Variants in KRT71 observed in about 807,000 individuals in gnomAD.
KRT71 encodes keratin 71.
Under a neutral mutation model 46.2 loss-of-function variants are expected in KRT71, and 42 were observed. That is an observed-to-expected ratio of 0.91 (90% CI 0.71 to 1.18). KRT71 has a LOEUF of 1.18. KRT71 is among the 50% of genes most tolerant of loss of function. The pLI is 0.00. For missense variants in KRT71, 708 were observed against 677.9 expected, an observed-to-expected ratio of 1.04 and a Z score of -0.49; for synonymous variants, 292 against 277.8, an observed-to-expected ratio of 1.05 and a Z score of -0.51.
In KRT71 at chr12:52,545,621, TAAGAGGAG is replaced by T. The variant is rs755976077; in HGVS notation, c.1326-30_1326-23del. 87 of 1,432,660 alleles carry T rather than the reference TAAGAGGAG, an allele frequency of 6.1e-5. No homozygotes were observed. The East Asian group carries it at 1.5e-3, about 24-fold the overall frequency. The allele number at this position is 1,432,660 out of a possible 1,614,324, so 88.7% of individuals were successfully genotyped here. On this transcript the variant is annotated intron_variant, in intron 7 of 8. Transcript: ENST00000267119. The stretch of plus-strand genomic sequence containing the variant: ...CATCCTATTAAGGAGAGAAATAAAA[TAAGAGGAG>T]AAGAGAAGTCATCCAGCTCAGTCTC...
chr12:52,546,219 G>T, intron 7 of KRT71, 67 bp downstream of exon 7: 1 of 1,560,058 alleles, frequency 6.4e-7, no homozygotes, highest in South Asian at 1.1e-5. Flanking sequence ...ATTGAGATGT[G>T]TTAGGCTTTC....
Position 52,544,448 on chromosome 12 carries a change from T to G in KRT71, c.*84A>C. The stretch of plus-strand genomic sequence containing the variant: ...GGGAGCAGGACCAGCAGGGTGGAGA[T>G]GGAGCTGAGAGTGGGCTGTGGGAAG... On this transcript the variant is annotated 3_prime_UTR_variant, in exon 9 of 9. Coordinates refer to ENST00000267119, the MANE Select transcript of KRT71 (RefSeq NM_033448.3). 3.2e-6 allele frequency: 4 copies of G among 1,237,124 alleles called. No homozygotes were observed. Among genetic ancestry groups the G allele is most frequent in the Non-Finnish European group, 4.7e-6 (4 of 844,676 alleles). The allele number at this position is 1,237,124 out of a possible 1,614,324, so 76.6% of individuals were successfully genotyped here.
chr12:52,549,491 T>G, intron 2 of KRT71, 138 bp from the exon 3 acceptor site: 1 of 707,126 alleles, frequency 1.4e-6, no homozygotes, highest in Non-Finnish European at 2.5e-6. Context: ...CAGGGGTAAG[T>G]GGGGGAAGGC....
chr12:52,546,599 G>T, intron 6 of KRT71, 93 bp from the exon 7 acceptor site: 1 of 1,259,806 alleles, frequency 7.9e-7, no homozygotes, highest in Non-Finnish European at 1.1e-6. Flanking sequence ...GGGGCAGAGT[G>T]GCCCGCCTCC....
Position 52,545,970 on chromosome 12 carries a change from C to G in KRT71, c.1325+316G>C, listed in dbSNP as rs558650864. On this transcript the variant is annotated intron_variant, in intron 7 of 8. Coordinates refer to ENST00000267119, the MANE Select transcript of KRT71 (RefSeq NM_033448.3). ...ACATGGACAGATCAGGAAGAGGGAA[C>G]AAGAATGCCTAATAGAGTAATGGGG... Among the ~76,000 whole-genome samples, 8 of 152,036 alleles carry G rather than the reference C, an allele frequency of 5.3e-5. No individual in the cohort carries two copies. In the South Asian group the frequency reaches 1.5e-3, roughly 28 times the overall value.
chr12:52,549,226 C>A, intron 3 of KRT71, 67 bp downstream of exon 3: 1 of 1,241,216 alleles, frequency 8.1e-7, no homozygotes, highest in South Asian at 1.2e-5. Flanking sequence ...AACAGAGCAC[C>A]TTGGCAGGCT....
At chr12:52,548,006 C>G (rs368263389) in intron 5 of KRT71, 24 bp from the exon 6 acceptor site, 1 of 1,596,746 alleles carries the variant, frequency 6.3e-7, no homozygotes, top group Non-Finnish European at 8.6e-7. Flanking sequence ...AGCACAGAGT[C>G]ATGAGTGTGT....
intron 1 of KRT71, 28 bp from the exon 2 acceptor site, chr12:52,550,271 A>G (rs1939146222): frequency 3.7e-6 from 6 of 1,612,176 alleles, no homozygotes; most frequent in Non-Finnish European, 4.2e-6. Context: ...GAAACTGCTG[A>G]ACCCTTGCAG....
At chr12:52,547,793 C>A in intron 6 of KRT71, 64 bp downstream of exon 6, 1 of 1,579,526 alleles carries the variant, frequency 6.3e-7, no homozygotes, top group South Asian at 1.2e-5. Flanking sequence ...TTCTCAGCAG[C>A]TCATCTCCCC....
chr12:52,548,857 C>T, intron 3 of KRT71, 61 bp from the exon 4 acceptor site: 2 of 1,437,302 alleles, frequency 1.4e-6, no homozygotes, highest in Non-Finnish European at 2.0e-6. Context: ...CAGCAGCCAT[C>T]CCTGCCTGGG....
At chr12:52,549,185 C>T in intron 3 of KRT71, 108 bp downstream of exon 3, 1 of 854,110 alleles carries the variant, frequency 1.2e-6, no homozygotes, top group Admixed American at 1.7e-5. Context: ...TCACCTTGCT[C>T]TTCCTGAATC....
At chr12:52,549,114 G>C (rs975322633) in intron 3 of KRT71, among the ~76,000 whole-genome samples, 179 bp downstream of exon 3, 1 of 152,210 alleles carries the variant, frequency 6.6e-6, no homozygotes, top group African/African-American at 2.4e-5. Flanking sequence ...CCTCTCACTG[G>C]CACCCTCCCT....
At position 52,548,782 on chromosome 12, in the gene KRT71, A is replaced by G. The variant is rs751119805; in HGVS notation, c.732T>C (p.Ala244=). Residue 244 remains alanine (A), a synonymous_variant, in exon 4 of 9, where the codon GCT becomes GCC. Coordinates refer to ENST00000267119, the MANE Select transcript of KRT71 (RefSeq NM_033448.3). ...CCTGCAGTTCCACCTTATTGGCGTAAGCAGCATCCACATCCTGAAAGATGC... is the reference window on the plus strand; with the variant it reads ...CCTGCAGTTCCACCTTATTGGCGTAGGCAGCATCCACATCCTGAAAGATGC... ...FVLLKKDVDA[A]YANKVELQAK... is the part of the protein sequence containing the mutation. The G allele has an allele frequency of 2.5e-6, 4 of 1,614,064 alleles. No individual in the cohort carries two copies. Among genetic ancestry groups the G allele is most frequent in the Admixed American group, 3.3e-5 (2 of 60,014 alleles).
At chr12:52,544,825 C>T in intron 8 of KRT71, 82 bp from the exon 9 acceptor site, 1 of 1,221,398 alleles carries the variant, frequency 8.2e-7, no homozygotes, top group East Asian at 2.5e-5. Context: ...CAGGGCTTTT[C>T]TTGGAGAAGC....
In KRT71 at chr12:52,548,194, G is replaced by A. The variant is rs751598559; in HGVS notation, c.936C>T (p.Ala312=). The change falls in exon 5 of 9, where the codon GCC becomes GCT. Residue 312 remains alanine (A), a synonymous_variant. Transcript: ENST00000267119. ...DEVRTQYEEI[A]LKSKAEAEAL... ...CCTCAGCCTCGGCCTTACTCTTCAAGGCAATCTCCTCATACTGGGTGCGGA... is the reference window on the plus strand; with the variant it reads ...CCTCAGCCTCGGCCTTACTCTTCAAAGCAATCTCCTCATACTGGGTGCGGA... 1 of 1,614,140 alleles carries A rather than the reference G, an allele frequency of 6.2e-7. No homozygotes were observed. The highest frequency in any genetic ancestry group is 1.7e-5 in the Admixed American group (1 of 60,024).
Position 52,552,857 on chromosome 12 carries a change from C to A in KRT71, c.221G>T (p.Gly74Val). The A allele has an allele frequency of 6.2e-7, 1 of 1,614,226 alleles. No homozygotes were observed. The highest frequency in any genetic ancestry group is 2.2e-5 in the East Asian group (1 of 44,876). The change falls in exon 1 of 9, where the codon GGC becomes GTC. Residue 74 changes from glycine (G) to valine (V), a missense_variant. Transcript: ENST00000267119. ...GKSGGYGFGR[G>V]RASGFAGSMF... ...GCTTCCAGCAAAGCCACTGGCCCGGCCCCGGCCAAATCCATAGCCTCCACT... is the reference window on the plus strand; with the variant it reads ...GCTTCCAGCAAAGCCACTGGCCCGGACCCGGCCAAATCCATAGCCTCCACT...
Position 52,551,278 on chromosome 12 carries a change from C to T in KRT71, c.442-1035G>A, listed in dbSNP as rs114816138. The stretch of plus-strand genomic sequence containing the variant: ...TGAAATTATTTGGGAACTGTCCAAG[C>T]CTTTCAGCCTCCTTCCCCTCCCTCT... On this transcript the variant is annotated intron_variant, in intron 1 of 8. Coordinates refer to ENST00000267119, the MANE Select transcript of KRT71 (RefSeq NM_033448.3). Among the ~76,000 whole-genome samples, 253 of 152,320 alleles carry T rather than the reference C, an allele frequency of 1.7e-3. 3 individuals are homozygous for T. The highest frequency in any genetic ancestry group is 5.6e-3 in the African/African-American group (231 of 41,570).
chr12:52,550,190 C>T lies in KRT71; in HGVS notation c.495G>A (p.Leu165=), dbSNP rs1340696599. The T allele has an allele frequency of 6.2e-7, 1 of 1,614,102 alleles. No homozygotes were observed. Among genetic ancestry groups the T allele is most frequent in the Non-Finnish European group, 8.5e-7 (1 of 1,180,044 alleles). Residue 165 remains leucine (L), a synonymous_variant, in exon 2 of 9, where the codon CTG becomes CTA. Coordinates refer to ENST00000267119, the MANE Select transcript of KRT71 (RefSeq NM_033448.3). ...NQVLETKWEL[L]QQLDLNNCKN... The stretch of plus-strand genomic sequence containing the variant: ...TGCAGTTGTTCAGGTCCAGCTGCTG[C>T]AGCAGCTCCCACTTGGTCTCCAGTA...
rs371906859 is a variant in KRT71 at position 52,544,667 on chromosome 12, G to C, written c.1437C>G (p.Asn479Lys). ...PSMVSGGYVA[N>K]SSNCISGVCS... ...ACACTCCAGAGATGCAGTTGCTGCTGTTGGCCACATAGCCACCGCTGACCA... is the reference window on the plus strand; with the variant it reads ...ACACTCCAGAGATGCAGTTGCTGCTCTTGGCCACATAGCCACCGCTGACCA... The change falls in exon 9 of 9, where the codon AAC becomes AAG. Residue 479 changes from asparagine to lysine, a missense_variant. Physicochemically the swap from Asn to Lys is moderately conservative, Grantham distance 94 (BLOSUM62 0). Transcript: ENST00000267119. The C allele has an allele frequency of 7.0e-5, 113 of 1,613,842 alleles. No individual in the cohort carries two copies. The highest frequency in any genetic ancestry group is 9.3e-5 in the Non-Finnish European group (110 of 1,180,026).
Sources: allele counts gnomAD v4.1 joint callset (sites outside exome capture counted in the v4.1 genomes callset), GRCh38; gene constraint gnomAD v4.1.1; transcripts MANE v1.5; gene names NCBI Gene and HGNC (gene_info 2026-07-23, HGNC 2026-07-21).